Variants in SIK3 observed in about 807,000 individuals in gnomAD.
SIK3 encodes the protein SIK family kinase 3, also known as serine/threonine-protein kinase SIK3.
A neutral mutation model predicts 144.2 loss-of-function variants in SIK3; 28 were observed. The observed-to-expected ratio is 0.19, with a 90% CI of 0.14 to 0.27. The LOEUF (loss-of-function observed/expected upper bound fraction) is 0.27. Among genes scored for constraint, SIK3 ranks in the 10% least tolerant of loss-of-function variants. The pLI is 1.00. For synonymous variants in SIK3, 686 were observed against 676.3 expected (o/e 1.01, Z -0.22); for missense variants, 1,319 against 1,776.0 (o/e 0.74, Z 4.62).
chr11:116,956,164 A>G (rs1949130162), intron 2 of SIK3, among the ~76,000 whole-genome samples: 1 of 152,148 alleles, frequency 6.6e-6, no homozygotes, highest in African/African-American at 2.4e-5. Context: ...CAATTTGAGA[A>G]GCATCCCGAA....
At chr11:117,021,031 AGAACT>A (rs1225390946) in intron 1 of SIK3, among the ~76,000 whole-genome samples, 2 of 152,206 alleles carry the variant, frequency 1.3e-5, no homozygotes, top group African/African-American at 2.4e-5. Flanking sequence ...AGACAGTGTC[AGAACT>A]GAACTGAACT....
At chr11:116,989,584 C>A (rs1454656006) in intron 1 of SIK3, among the ~76,000 whole-genome samples, 1 of 151,442 alleles carries the variant, frequency 6.6e-6, no homozygotes, top group Non-Finnish European at 1.5e-5. Flanking sequence ...CTAAAGGCAA[C>A]CCAAGTTTTT....
chr11:116,863,743 C>G lies in SIK3; in HGVS notation c.2028G>C (p.Gly676=), dbSNP rs1591405682. 7 of 1,614,114 alleles carry G rather than the reference C, an allele frequency of 4.3e-6. No individual in the cohort carries two copies. Among genetic ancestry groups the G allele is most frequent in the Non-Finnish European group, 5.9e-6 (7 of 1,180,030 alleles). ...RFSPVRRFSD[G]AASIQAFKAH... ...CTTTGAAGGCCTGGATGCTCGCAGCCCCATCTGAGAACCGGCGCACAGGGG... is the reference window on the plus strand; with the variant it reads ...CTTTGAAGGCCTGGATGCTCGCAGCGCCATCTGAGAACCGGCGCACAGGGG... Residue 676 remains glycine (G), a synonymous_variant, in exon 16 of 25, where the codon GGG becomes GGC. Transcript: ENST00000445177.
chr11:117,021,560 A>C (rs772104531), intron 1 of SIK3, among the ~76,000 whole-genome samples: 15 of 152,184 alleles, frequency 9.9e-5, no homozygotes, highest in Non-Finnish European at 1.6e-4. Flanking sequence ...TCTGTTTATT[A>C]TTCTAGAAAG....
At chr11:116,895,323 A>G (rs1235158256) in intron 6 of SIK3, among the ~76,000 whole-genome samples, 1 of 152,176 alleles carries the variant, frequency 6.6e-6, no homozygotes, top group African/African-American at 2.4e-5. Context: ...CTTTGCTGAA[A>G]GGTCCCTTTC....
At position 116,897,307 on chromosome 11, in the gene SIK3, G is replaced by A; in HGVS notation, c.627C>T (p.Phe209=). The change falls in exon 5 of 25, where the codon TTC becomes TTT. Residue 209 remains phenylalanine (F), a synonymous_variant. Coordinates refer to ENST00000445177, the MANE Select transcript of SIK3 (RefSeq NM_001366686.3). The part of the protein sequence containing the change: ...NLNIKIADFG[F]SNLFTPGQLL... ...GCTGCCCAGGAGTGAAGAGGTTACT[G>A]AAACCAAAATCTAGAAAGGCAAATG... The A allele has an allele frequency of 6.2e-7, 1 of 1,613,470 alleles. No homozygotes were observed. The highest frequency in any genetic ancestry group is 1.3e-5 in the African/African-American group (1 of 74,986).
At chr11:116,872,716 ACTGTT>A in intron 13 of SIK3, among the ~76,000 whole-genome samples, 1 of 152,214 alleles carries the variant, frequency 6.6e-6, no homozygotes, top group Non-Finnish European at 1.5e-5. Flanking sequence ...TTAAATTTTC[ACTGTT>A]CTAATGTTTC....
chr11:116,854,575 G>GCA lies in SIK3; in HGVS notation c.3655+3233_3655+3234dup, dbSNP rs578044475. On this transcript the variant is annotated intron_variant, in intron 21 of 24. Coordinates refer to ENST00000445177, the MANE Select transcript of SIK3 (RefSeq NM_001366686.3). ...ATCCTTTCATCTCTGCATTCTCACAGCACCTACAGTAGAGTCTTGTGCAAC... is the reference window on the plus strand; with the variant it reads ...ATCCTTTCATCTCTGCATTCTCACAGCACACCTACAGTAGAGTCTTGTGCAAC... 3.1e-3 allele frequency among the ~76,000 whole-genome samples: 467 copies of GCA among 152,270 alleles called. 5 individuals carry two copies. Among genetic ancestry groups the GCA allele is most frequent in the Middle Eastern group, 3.4e-3 (1 of 294 alleles).
chr11:116,896,138 A>G (rs1413231604), intron 6 of SIK3, 115 bp downstream of exon 6: 1 of 1,416,908 alleles, frequency 7.1e-7, no homozygotes, highest in East Asian at 2.4e-5. Context: ...AGCAAGCTGG[A>G]GTTAAAAAAG....
intron 1 of SIK3, among the ~76,000 whole-genome samples, chr11:117,035,563 AAG>A (rs1418948443): frequency 6.6e-6 from 1 of 152,098 alleles, no homozygotes; most frequent in Non-Finnish European, 1.5e-5. Flanking sequence ...ATGCAGATAA[AAG>A]TAACTACCTA....
intron 1 of SIK3, among the ~76,000 whole-genome samples, chr11:117,033,734 GAAAAGAAAAA>G (rs1409229160): frequency 4.3e-5 from 6 of 138,626 alleles, no homozygotes; most frequent in Admixed American, 1.4e-4. Flanking sequence ...AGAAAGAAAA[GAAAAGAAAAA>G]AAAAGAAAAG....
At chr11:117,033,754 GGAAAA>G (rs1401473418) in intron 1 of SIK3, among the ~76,000 whole-genome samples, 3 of 148,420 alleles carry the variant, frequency 2.0e-5, no homozygotes, top group African/African-American at 7.4e-5. Context: ...AAAAAGAAAA[GGAAAA>G]GAAAAGAAAA....
chr11:116,945,673 A>G (rs568711685), intron 3 of SIK3, among the ~76,000 whole-genome samples: 9 of 152,258 alleles, frequency 5.9e-5, no homozygotes, highest in African/African-American at 2.2e-4. Context: ...TCATTTGCAC[A>G]TGTCCTGTAA....
chr11:116,943,603 T>C (rs1433740789), intron 3 of SIK3, among the ~76,000 whole-genome samples: 1 of 152,172 alleles, frequency 6.6e-6, no homozygotes, highest in Non-Finnish European at 1.5e-5. Flanking sequence ...TAGTTTGTAG[T>C]CTATTGCGCC....
intron 1 of SIK3, among the ~76,000 whole-genome samples, chr11:117,025,594 A>G (rs1006821112): frequency 2.6e-5 from 4 of 151,830 alleles, no homozygotes; most frequent in Non-Finnish European, 5.9e-5. Context: ...ACACCCAGCT[A>G]CTTTTTTGTG....
At chr11:116,931,944 C>A (rs936367392) in intron 3 of SIK3, among the ~76,000 whole-genome samples, 1 of 152,198 alleles carries the variant, frequency 6.6e-6, no homozygotes, top group African/African-American at 2.4e-5. Context: ...TGCCAAGAAT[C>A]CAACTACCTC....
At position 116,867,846 on chromosome 11, in the gene SIK3, T is replaced by C. The variant is rs1943730439; in HGVS notation, c.1952+100A>G. 4.0e-6 allele frequency: 5 copies of C among 1,256,390 alleles called. No individual in the cohort carries two copies. The highest frequency in any genetic ancestry group is 3.1e-5 in the Admixed American group (1 of 32,674). The allele number at this position is 1,256,390 out of a possible 1,614,324, so 77.8% of individuals were successfully genotyped here. A position where few individuals can be genotyped will look rare whatever the true frequency, so the allele number is the denominator to read the frequency against. On this transcript the variant is annotated intron_variant, in intron 15 of 24. Coordinates refer to ENST00000445177, the MANE Select transcript of SIK3 (RefSeq NM_001366686.3). This position sits in a 1 kb window ranked among gnomAD's most constrained non-coding sequence, Gnocchi z 4.1. ...AGTTCAGGATGACAGCTGGCTTCTA[T>C]TTAAAGCCACGATGCTAGTCACCGT...
At chr11:117,052,074 G>T (rs982733477) in intron 1 of SIK3, among the ~76,000 whole-genome samples, 1 of 152,044 alleles carries the variant, frequency 6.6e-6, no homozygotes, top group Admixed American at 6.5e-5. Context: ...ACCGGAAGGC[G>T]GAAGTTGCAG....
intron 1 of SIK3, among the ~76,000 whole-genome samples, chr11:116,981,510 GC>G (rs1166823174): frequency 6.6e-6 from 1 of 152,168 alleles, no homozygotes; most frequent in Non-Finnish European, 1.5e-5. Flanking sequence ...ACAAAGGACT[GC>G]CCAGCTTCAA....
Sources: allele counts gnomAD v4.1 joint callset (sites outside exome capture counted in the v4.1 genomes callset), GRCh38; gene constraint gnomAD v4.1.1; non-coding constraint Gnocchi (gnomAD v3.1); transcripts MANE v1.5; gene names NCBI Gene and HGNC (gene_info 2026-07-23, HGNC 2026-07-21).